MIER1: variants seen among roughly 807,000 people sequenced by gnomAD.
The protein encoded by MIER1 is MIER1 transcriptional regulator.
MIER1 carries 40 observed loss-of-function variants against 75.7 expected under a neutral mutation model. The ratio of observed to expected loss-of-function variants is 0.53; its 90% CI spans 0.41 to 0.69. MIER1 has a LOEUF of 0.69. Ranked by LOEUF, MIER1 falls within the 30% of genes least tolerant of loss-of-function variation. The probability of loss-of-function intolerance (pLI) is 0.00; values close to 1 mark genes in which losing one functional copy is unlikely to be tolerated. For synonymous variants in MIER1, 213 were observed against 223.4 expected (o/e 0.95, Z 0.42); for missense variants, 574 against 680.2 (o/e 0.84, Z 1.74).
At chr1:66,978,326 A>G (rs533301320) in intron 12 of MIER1, among the ~76,000 whole-genome samples, 2 of 152,306 alleles carry the variant, frequency 1.3e-5, no homozygotes, top group African/African-American at 2.4e-5. Context: ...TAGAAGGTCA[A>G]ATGCTCTAAA....
chr1:66,965,385 GT>G, intron 8 of MIER1, among the ~76,000 whole-genome samples: 1 of 151,534 alleles, frequency 6.6e-6, no homozygotes, highest in East Asian at 1.9e-4. Context: ...TTATATTTTA[GT>G]ATTTATATTA....
At chr1:66,944,604 C>T (rs1159207243) in intron 3 of MIER1, among the ~76,000 whole-genome samples, 1 of 151,806 alleles carries the variant, frequency 6.6e-6, no homozygotes. Flanking sequence ...TTTTTAATGC[C>T]TTTGATAGGA....
chr1:66,986,369 T>C lies in MIER1; in HGVS notation c.*1469T>C, dbSNP rs371192455. 56 of 1,600,114 alleles carry C rather than the reference T, an allele frequency of 3.5e-5. No individual in the cohort carries two copies. The highest frequency in any genetic ancestry group is 4.7e-5 in the Non-Finnish European group (55 of 1,174,788). ...AGACCAACCTATATCCAAACTTTTATAAAATATTAATTATTCTTGTTTTTC... is the reference window on the plus strand; with the variant it reads ...AGACCAACCTATATCCAAACTTTTACAAAATATTAATTATTCTTGTTTTTC... On this transcript the variant is annotated 3_prime_UTR_variant, in exon 14 of 14. Coordinates refer to ENST00000401041, the MANE Select transcript of MIER1 (RefSeq NM_001077700.3).
At chr1:66,976,491 T>G (rs1388193074) in intron 11 of MIER1, 104 bp from the exon 12 acceptor site, 1 of 1,032,512 alleles carries the variant, frequency 9.7e-7, no homozygotes, top group Non-Finnish European at 1.4e-6. Context: ...AGGATTATAT[T>G]TCAGTTAAGG....
At chr1:66,966,506 G>A (rs1662435692) in intron 8 of MIER1, among the ~76,000 whole-genome samples, 1 of 152,210 alleles carries the variant, frequency 6.6e-6, no homozygotes, top group African/African-American at 2.4e-5. Flanking sequence ...ACGTGTGCAT[G>A]TGTCTTTATA....
intron 4 of MIER1, chr1:66,947,835 T>G (rs990388296): frequency 7.4e-6 from 5 of 679,592 alleles, no homozygotes; most frequent in Non-Finnish European, 9.1e-6. Flanking sequence ...CTAGCTGCTT[T>G]TGTTGTTAAA....
chr1:66,931,055 G>A, intron 2 of MIER1, among the ~76,000 whole-genome samples: 1 of 145,482 alleles, frequency 6.9e-6, no homozygotes, highest in African/African-American at 2.6e-5. Flanking sequence ...CACTTTCCAG[G>A]CTTCCCCCCA....
At chr1:66,954,408 T>G (rs1193229327) in intron 4 of MIER1, among the ~76,000 whole-genome samples, 8 of 152,234 alleles carry the variant, frequency 5.3e-5, no homozygotes, top group Admixed American at 4.6e-4. Flanking sequence ...CTATAACTGA[T>G]CTTTCAGTAA....
intron 3 of MIER1, among the ~76,000 whole-genome samples, chr1:66,944,936 G>A (rs1657139605): frequency 6.6e-6 from 1 of 151,928 alleles, no homozygotes; most frequent in Non-Finnish European, 1.5e-5. Flanking sequence ...ATGTTGCCCA[G>A]GCTGGTCTCA....
chr1:66,947,912 G>A (rs749232311), intron 4 of MIER1: 100 of 985,198 alleles, frequency 1.0e-4, no homozygotes, highest in Non-Finnish European at 1.2e-4. Flanking sequence ...GCATCCCAAG[G>A]CCGGCTCCTT....
At chr1:66,927,607 A>G (rs1652146398) in intron 2 of MIER1, among the ~76,000 whole-genome samples, 2 of 152,164 alleles carry the variant, frequency 1.3e-5, no homozygotes, top group Non-Finnish European at 2.9e-5. Flanking sequence ...TACAAAGAAG[A>G]TATCTGTTGA....
intron 12 of MIER1, 21 bp from the exon 13 acceptor site, chr1:66,981,758 A>C (rs1290322368): frequency 2.6e-6 from 4 of 1,558,790 alleles, no homozygotes; most frequent in Admixed American, 1.9e-5. Flanking sequence ...TTAATATAAA[A>C]ATTGTTTTAT....
At chr1:66,960,697 A>G (rs999373573) in intron 7 of MIER1, among the ~76,000 whole-genome samples, 12 of 152,158 alleles carry the variant, frequency 7.9e-5, no homozygotes, top group South Asian at 2.1e-4. Flanking sequence ...AAATAATGTT[A>G]TTTTTGTTGA....
At chr1:66,930,517 C>A in intron 2 of MIER1, 1 of 1,106,808 alleles carries the variant, frequency 9.0e-7, no homozygotes, top group South Asian at 1.5e-5. Context: ...CCGCTGCCCA[C>A]CTGTTGTCCG....
intron 13 of MIER1, among the ~76,000 whole-genome samples, chr1:66,982,136 C>T (rs1666020263): frequency 6.6e-6 from 1 of 152,190 alleles, no homozygotes; most frequent in Non-Finnish European, 1.5e-5. Flanking sequence ...CTACTGTCAA[C>T]AGTGACTATT....
chr1:66,944,533 A>G (rs1657026181), intron 3 of MIER1, among the ~76,000 whole-genome samples: 1 of 151,568 alleles, frequency 6.6e-6, no homozygotes, highest in African/African-American at 2.4e-5. Context: ...GCTTGACCCT[A>G]TAGGGTCCAG....
intron 3 of MIER1, among the ~76,000 whole-genome samples, chr1:66,941,320 G>T (rs979790607): frequency 1.3e-4 from 19 of 151,940 alleles, no homozygotes; most frequent in Admixed American, 5.2e-4. Flanking sequence ...AATTTTTTTT[G>T]AACTTTGTTT....
At chr1:66,974,693 A>T (rs1170760673) in intron 11 of MIER1, among the ~76,000 whole-genome samples, 1 of 152,166 alleles carries the variant, frequency 6.6e-6, no homozygotes, top group East Asian at 1.9e-4. Context: ...TTTAAATGTT[A>T]CAAGGTAGAA....
chr1:66,974,110 A>C (rs1664219808), intron 11 of MIER1, among the ~76,000 whole-genome samples: 1 of 151,106 alleles, frequency 6.6e-6, no homozygotes, highest in Non-Finnish European at 1.5e-5. Context: ...TTTTTTTTTT[A>C]AGTGGGAACT....
Sources: allele counts gnomAD v4.1 joint callset (sites outside exome capture counted in the v4.1 genomes callset), GRCh38; gene constraint gnomAD v4.1.1; transcripts MANE v1.5; gene names NCBI Gene and HGNC (gene_info 2026-07-23, HGNC 2026-07-21).